Variants in DLG2 observed in about 807,000 individuals in gnomAD.
The protein encoded by DLG2 is disks large homolog 2.
DLG2 carries 45 observed loss-of-function variants against 132.5 expected under a neutral mutation model. That is an observed-to-expected ratio of 0.34 (90% CI 0.27 to 0.44). DLG2 has a LOEUF of 0.44. Ranked by LOEUF, DLG2 falls within the 20% of genes least tolerant of loss-of-function variation. DLG2 has a pLI of 1.00. For synonymous variants in DLG2, 424 were observed against 419.6 expected (o/e 1.01, Z -0.13); for missense variants, 1,045 against 1,196.9 (o/e 0.87, Z 1.87).
intron 18 of DLG2, among the ~76,000 whole-genome samples, chr11:83,662,381 C>A (rs1259000049): frequency 6.6e-6 from 1 of 152,168 alleles, no homozygotes; most frequent in Non-Finnish European, 1.5e-5. Flanking sequence ...AAAGACACGA[C>A]CCCCAGCTCT....
intron 6 of DLG2, among the ~76,000 whole-genome samples, chr11:84,580,287 A>G (rs1225703877): frequency 2.6e-5 from 4 of 152,350 alleles, no homozygotes; most frequent in Non-Finnish European, 5.9e-5. Context: ...TAAAACAAAT[A>G]TAAATAATCT....
intron 18 of DLG2, among the ~76,000 whole-genome samples, chr11:83,762,937 T>C (rs938691805): frequency 1.2e-4 from 18 of 152,230 alleles, no homozygotes; most frequent in East Asian, 3.9e-4. Flanking sequence ...TGAGTCAGAG[T>C]CTGTGATATA....
chr11:84,640,872 G>A lies in DLG2; in HGVS notation c.358-106141C>T, dbSNP rs1001887316. Among the ~76,000 whole-genome samples the A allele has an allele frequency of 1.3e-5, 2 of 151,684 alleles. 1 individual carries two copies. Among genetic ancestry groups the A allele is most frequent in the Admixed American group, 1.3e-4 (2 of 15,238 alleles). Reference sequence around the variant, plus strand: ...GGAGAATTGCTTGAACCCAGGAGGTGGAGGTTGCAGTGAGCTGCGATCAGG... The same window carrying A: ...GGAGAATTGCTTGAACCCAGGAGGTAGAGGTTGCAGTGAGCTGCGATCAGG... On this transcript the variant is annotated intron_variant, in intron 6 of 27. Coordinates refer to ENST00000376104, the MANE Select transcript of DLG2 (RefSeq NM_001142699.3).
chr11:83,570,332 C>T (rs1204775445), intron 19 of DLG2, among the ~76,000 whole-genome samples: 1 of 152,060 alleles, frequency 6.6e-6, no homozygotes, highest in African/African-American at 2.4e-5. Flanking sequence ...CTTCTTAGTT[C>T]CCAGGATCCA....
chr11:85,263,893 G>C (rs2152721376), intron 4 of DLG2, among the ~76,000 whole-genome samples: 1 of 152,302 alleles, frequency 6.6e-6, no homozygotes, highest in Non-Finnish European at 1.5e-5. Context: ...GTGAGTTAAA[G>C]AAAGCAAGTT....
At chr11:85,551,158 A>G (rs182971699) in intron 3 of DLG2, among the ~76,000 whole-genome samples, 10 of 152,364 alleles carry the variant, frequency 6.6e-5, no homozygotes, top group Admixed American at 5.9e-4. Flanking sequence ...GCCCATTTCT[A>G]TGAAGCATTT....
At chr11:84,549,011 G>A (rs1213790968) in intron 6 of DLG2, among the ~76,000 whole-genome samples, 1 of 152,112 alleles carries the variant, frequency 6.6e-6, no homozygotes, top group Non-Finnish European at 1.5e-5. Context: ...TTGCTTTGTT[G>A]TACTGGAGAA....
chr11:84,441,458 C>T (rs72961662), intron 7 of DLG2, among the ~76,000 whole-genome samples: 3,289 of 152,032 alleles, frequency 0.022, 50 homozygotes, highest in Non-Finnish European at 0.034. Flanking sequence ...ATATATAGTA[C>T]GTAGAATATT....
At chr11:84,399,959 G>T (rs2098823995) in intron 7 of DLG2, among the ~76,000 whole-genome samples, 1 of 152,146 alleles carries the variant, frequency 6.6e-6, no homozygotes, top group Non-Finnish European at 1.5e-5. Flanking sequence ...GAAATATTTT[G>T]TTCCTTGCCT....
At chr11:84,494,872 T>C (rs1458282681) in intron 7 of DLG2, among the ~76,000 whole-genome samples, 3 of 152,178 alleles carry the variant, frequency 2.0e-5, no homozygotes, top group East Asian at 1.9e-4. Context: ...TTACCAATTT[T>C]CAGTTTCTCG....
chr11:85,523,932 C>T (rs1172582931), intron 3 of DLG2, among the ~76,000 whole-genome samples: 1 of 152,058 alleles, frequency 6.6e-6, no homozygotes, highest in Non-Finnish European at 1.5e-5. Context: ...TCATTTGCAC[C>T]AATATGGATG....
chr11:84,837,205 G>A (rs1362417162), intron 6 of DLG2, among the ~76,000 whole-genome samples: 1 of 151,814 alleles, frequency 6.6e-6, no homozygotes, highest in Non-Finnish European at 1.5e-5. Flanking sequence ...CAAATGGAAG[G>A]CATAGGAAGA....
intron 7 of DLG2, among the ~76,000 whole-genome samples, chr11:84,431,215 T>A (rs2098983695): frequency 6.6e-6 from 1 of 152,194 alleles, no homozygotes; most frequent in Non-Finnish European, 1.5e-5. Context: ...AACATATATA[T>A]ACACACACAA....
intron 11 of DLG2, among the ~76,000 whole-genome samples, chr11:84,021,635 G>A (rs979559883): frequency 2.0e-5 from 3 of 152,120 alleles, no homozygotes; most frequent in South Asian, 2.1e-4. Flanking sequence ...AATCACTGCC[G>A]TCTAGATACA....
At chr11:85,312,253 T>C (rs1270973101) in intron 3 of DLG2, among the ~76,000 whole-genome samples, 1 of 151,832 alleles carries the variant, frequency 6.6e-6, no homozygotes, top group Non-Finnish European at 1.5e-5. Context: ...TAATGGATAA[T>C]ACCTTATTTT....
At chr11:84,228,341 T>C (rs1293778095) in intron 8 of DLG2, among the ~76,000 whole-genome samples, 1 of 152,230 alleles carries the variant, frequency 6.6e-6, no homozygotes, top group Non-Finnish European at 1.5e-5. Context: ...CCTTGACACA[T>C]TCATCTTGGA....
intron 11 of DLG2, among the ~76,000 whole-genome samples, chr11:84,000,005 C>T (rs926741799): frequency 2.0e-5 from 3 of 150,130 alleles, no homozygotes; most frequent in Non-Finnish European, 4.4e-5. Context: ...CAATAATTCT[C>T]TAGTAACAGA....
chr11:85,218,818 G>T (rs1455763826), intron 4 of DLG2, among the ~76,000 whole-genome samples: 1 of 152,044 alleles, frequency 6.6e-6, no homozygotes, highest in Admixed American at 6.6e-5. Flanking sequence ...ATCAACCCAG[G>T]TGCCCATCCA....
intron 6 of DLG2, among the ~76,000 whole-genome samples, chr11:84,861,262 A>C (rs1297086094): frequency 6.6e-6 from 1 of 152,152 alleles, no homozygotes. Context: ...AAGCATGTGA[A>C]GAAAAATCTT....
Sources: allele counts gnomAD v4.1 joint callset (sites outside exome capture counted in the v4.1 genomes callset), GRCh38; gene constraint gnomAD v4.1.1; transcripts MANE v1.5; gene names NCBI Gene and HGNC (gene_info 2026-07-23, HGNC 2026-07-21).